PTK2: variants seen among roughly 807,000 people sequenced by gnomAD.
PTK2 encodes protein tyrosine kinase 2, also known as focal adhesion kinase 1.
Under a neutral mutation model 150.1 loss-of-function variants are expected in PTK2, and 45 were observed. The ratio of observed to expected loss-of-function variants is 0.30; its 90% CI spans 0.24 to 0.38. The LOEUF (loss-of-function observed/expected upper bound fraction) is 0.38, where lower values mean the gene tolerates loss of function less well. PTK2 is among the 10% of genes least tolerant of loss of function. The pLI, the probability that PTK2 is intolerant of heterozygous loss-of-function variation, is 1.00. For synonymous variants in PTK2, 432 were observed against 449.2 expected, an observed-to-expected ratio of 0.96 and a Z score of 0.48; for missense variants, 919 against 1,307.3, an observed-to-expected ratio of 0.70 and a Z score of 4.58.
intron 1 of PTK2, among the ~76,000 whole-genome samples, chr8:140,932,371 CA>C: frequency 6.6e-6 from 1 of 152,092 alleles, no homozygotes; most frequent in Middle Eastern, 3.2e-3. Context: ...CCCACCACCA[CA>C]CCCAGTTTAT....
At chr8:140,922,574 G>A (rs2100167916) in intron 2 of PTK2, among the ~76,000 whole-genome samples, 1 of 152,070 alleles carries the variant, frequency 6.6e-6, no homozygotes, top group Non-Finnish European at 1.5e-5. Context: ...ATCGACTAAT[G>A]GACTGTACAA....
At chr8:140,838,548 C>T (rs996093170) in intron 7 of PTK2, among the ~76,000 whole-genome samples, 1 of 152,208 alleles carries the variant, frequency 6.6e-6, no homozygotes, top group South Asian at 2.1e-4. Flanking sequence ...AAGCTATTAT[C>T]GGGCCAGATA....
In PTK2 at chr8:140,670,456, CAAAAAAAAAAA is replaced by C. The variant is rs10558474; in HGVS notation, c.2710-2043_2710-2033del. Among the ~76,000 whole-genome samples the C allele has an allele frequency of 6.8e-3, 121 of 17,842 alleles. 9 individuals carry two copies. In the South Asian group the frequency reaches 0.32, roughly 46 times the overall value. The allele number at this position is 17,842 out of a possible 152,430, so 11.7% of individuals were successfully genotyped here. A position where few individuals can be genotyped will look rare whatever the true frequency, so the allele number is the denominator to read the frequency against. ...TGGGTGACAGAGCGACACTGTGTCTCAAAAAAAAAAAAAAAAAAAAAAAAAAACAACAACAC... is the reference window on the plus strand; with the variant it reads ...TGGGTGACAGAGCGACACTGTGTCTCAAAAAAAAAAAAAAAACAACAACAC... On this transcript the variant is annotated intron_variant, in intron 29 of 31. Transcript: ENST00000522684.
At chr8:140,838,060 TC>T (rs1449024272) in intron 7 of PTK2, among the ~76,000 whole-genome samples, 2 of 151,142 alleles carry the variant, frequency 1.3e-5, no homozygotes, top group African/African-American at 4.9e-5. Flanking sequence ...AGACTCCATC[TC>T]AAAAAAAAAA....
At chr8:140,743,980 T>C (rs1214914384) in intron 19 of PTK2, among the ~76,000 whole-genome samples, 2 of 151,976 alleles carry the variant, frequency 1.3e-5, no homozygotes, top group Non-Finnish European at 2.9e-5. Context: ...TGTTTCACCA[T>C]GTTAGCCAGG....
At chr8:141,001,436 G>A (rs901033993), upstream of PTK2, 3 of 151,692 alleles carry the variant, frequency 2.0e-5, no homozygotes, top group Non-Finnish European at 2.9e-5. Flanking sequence ...CCAGCGCGCC[G>A]CTAGGCTCTG....
intron 14 of PTK2, among the ~76,000 whole-genome samples, chr8:140,779,314 TCCTC>T (rs2100080352): frequency 6.8e-6 from 1 of 147,444 alleles, no homozygotes; most frequent in Non-Finnish European, 1.5e-5. Flanking sequence ...AATATTGAAA[TCCTC>T]CCAAACTACG....
chr8:140,715,779 CT>C (rs986543095), intron 23 of PTK2, among the ~76,000 whole-genome samples: 4 of 138,704 alleles, frequency 2.9e-5, no homozygotes, highest in Admixed American at 1.6e-4. Flanking sequence ...TTGAAAATAT[CT>C]TTTAAAAAAA....
intron 2 of PTK2, among the ~76,000 whole-genome samples, chr8:140,898,044 G>C (rs543506072): frequency 2.0e-5 from 3 of 151,992 alleles, no homozygotes; most frequent in Admixed American, 6.5e-5. Flanking sequence ...ACGTGGCTTA[G>C]GCCAGTACTT....
intron 20 of PTK2, among the ~76,000 whole-genome samples, chr8:140,741,441 T>A (rs1306956672): frequency 2.0e-5 from 3 of 150,408 alleles, no homozygotes; most frequent in Non-Finnish European, 3.0e-5. Context: ...GGCGACAGAG[T>A]GAGACTCTGT....
chr8:140,739,742 C>CA (rs879719914), intron 20 of PTK2, among the ~76,000 whole-genome samples: 3 of 152,136 alleles, frequency 2.0e-5, no homozygotes, highest in Admixed American at 6.5e-5. Flanking sequence ...CAAACCTCTC[C>CA]AACCACCAGA....
At chr8:140,980,521 C>T (rs897719521) in intron 1 of PTK2, among the ~76,000 whole-genome samples, 1 of 151,984 alleles carries the variant, frequency 6.6e-6, no homozygotes, top group African/African-American at 2.4e-5. Flanking sequence ...ACTCAGGAGG[C>T]TGAGGCAAGA....
At chr8:140,885,528 A>G (rs2100151933) in intron 3 of PTK2, among the ~76,000 whole-genome samples, 1 of 152,220 alleles carries the variant, frequency 6.6e-6, no homozygotes, top group Admixed American at 6.5e-5. Flanking sequence ...ATCTGAAGAA[A>G]ATAAAATAGT....
intron 4 of PTK2, among the ~76,000 whole-genome samples, chr8:140,865,788 C>A (rs538089351): frequency 6.6e-6 from 1 of 152,208 alleles, no homozygotes; most frequent in African/African-American, 2.4e-5. Context: ...TGAACTATTT[C>A]TCTCTCTTTT....
chr8:140,708,241 C>T lies in PTK2; in HGVS notation c.2143-2036G>A, dbSNP rs141333035. ...TCTCTCCCACAGTGCTGGGTGAACA[C>T]GTGCTTTGCTCTAGTTAGGTCCGGA... On this transcript the variant is annotated intron_variant, in intron 23 of 31. Coordinates refer to ENST00000522684, the Ensembl canonical transcript of PTK2. Among the ~76,000 whole-genome samples, 558 of 152,238 alleles carry T rather than the reference C, an allele frequency of 3.7e-3. 10 individuals carry two copies. The highest frequency in any genetic ancestry group is 3.7e-3 in the East Asian group (19 of 5,170).
intron 1 of PTK2, chr8:140,927,376 T>C (rs1203850612): frequency 6.6e-6 from 1 of 152,212 alleles, no homozygotes; most frequent in Non-Finnish European, 1.5e-5. Flanking sequence ...AGTGTCAAGC[T>C]ATTGTGTCTT....
chr8:140,941,474 T>C (rs1211277719), intron 1 of PTK2, among the ~76,000 whole-genome samples: 1 of 152,212 alleles, frequency 6.6e-6, no homozygotes, highest in Non-Finnish European at 1.5e-5. Flanking sequence ...CCTTATTCTA[T>C]CACTGATTCT....
At chr8:140,981,645 G>C (rs963198055) in intron 1 of PTK2, among the ~76,000 whole-genome samples, 2 of 152,150 alleles carry the variant, frequency 1.3e-5, no homozygotes, top group Non-Finnish European at 2.9e-5. Context: ...AATGTTTCAC[G>C]GCATGTGAAA....
At chr8:140,874,970 C>G (rs774471057) in intron 4 of PTK2, among the ~76,000 whole-genome samples, 1 of 152,088 alleles carries the variant, frequency 6.6e-6, no homozygotes, top group Non-Finnish European at 1.5e-5. Flanking sequence ...GTGAAGAAAA[C>G]AAAGTCCCTG....
Sources: allele counts gnomAD v4.1 joint callset (sites outside exome capture counted in the v4.1 genomes callset), GRCh38; gene constraint gnomAD v4.1.1; transcripts MANE v1.5; gene names NCBI Gene and HGNC (gene_info 2026-07-23, HGNC 2026-07-21).